Variants in STON2 observed in about 807,000 individuals in gnomAD.
The protein encoded by STON2 is stonin-2.
In STON2, 29 loss-of-function variants were observed where a neutral mutation model predicts 65.7. That is an observed-to-expected ratio of 0.44 (90% CI 0.33 to 0.60). STON2 has a LOEUF of 0.60. STON2 is among the 20% of genes least tolerant of loss of function. The pLI is 0.03. For missense variants in STON2, 1,054 were observed against 1,118.1 expected, an observed-to-expected ratio of 0.94 and a Z score of 0.82; for synonymous variants, 404 against 414.2, an observed-to-expected ratio of 0.98 and a Z score of 0.30.
chr14:81,405,955 G>T (rs1900838059), intron 2 of STON2, among the ~76,000 whole-genome samples: 1 of 152,214 alleles, frequency 6.6e-6, no homozygotes, highest in Non-Finnish European at 1.5e-5. Flanking sequence ...AAAGCAGGCA[G>T]AAGAAAGTGG....
chr14:81,395,231 A>C (rs7160190), intron 3 of STON2: 88,089 of 152,122 alleles, frequency 0.58, 27,730 homozygotes, highest in African/African-American at 0.82. Flanking sequence ...TCCACACTTT[A>C]ACACACATTC....
At chr14:81,352,814 A>G (rs558130573) in intron 4 of STON2, among the ~76,000 whole-genome samples, 2 of 151,534 alleles carry the variant, frequency 1.3e-5, no homozygotes, top group African/African-American at 4.9e-5. Context: ...TGGAGACCAC[A>G]AGTTTTTTAT....
intron 5 of STON2, among the ~76,000 whole-genome samples, chr14:81,293,318 A>C (rs1417170035): frequency 4.0e-5 from 6 of 151,718 alleles, no homozygotes; most frequent in Non-Finnish European, 8.8e-5. Flanking sequence ...GGACTGCAGG[A>C]GCGTGCCACC....
At chr14:81,341,409 C>T (rs1897602301) in intron 4 of STON2, among the ~76,000 whole-genome samples, 1 of 148,964 alleles carries the variant, frequency 6.7e-6, no homozygotes, top group Non-Finnish European at 1.5e-5. Flanking sequence ...ATAAGATCAG[C>T]TATGCTTCTT....
At chr14:81,426,120 C>G (rs1006087544) in intron 2 of STON2, among the ~76,000 whole-genome samples, 1 of 152,192 alleles carries the variant, frequency 6.6e-6, no homozygotes, top group Non-Finnish European at 1.5e-5. Context: ...GCATTTTTAA[C>G]CACCAGTTCT....
At chr14:81,324,858 G>T (rs1896951511) in intron 4 of STON2, among the ~76,000 whole-genome samples, 1 of 152,214 alleles carries the variant, frequency 6.6e-6, no homozygotes, top group Non-Finnish European at 1.5e-5. Flanking sequence ...AAGCATGGGT[G>T]TTCATAAACA....
chr14:81,301,438 A>G (rs1460199934), intron 5 of STON2, among the ~76,000 whole-genome samples: 1 of 149,574 alleles, frequency 6.7e-6, no homozygotes, highest in African/African-American at 2.6e-5. Flanking sequence ...ACCAACAACC[A>G]CAATACAGCA....
At chr14:81,293,494 C>G (rs1378313355) in intron 5 of STON2, among the ~76,000 whole-genome samples, 1 of 152,058 alleles carries the variant, frequency 6.6e-6, no homozygotes, top group Non-Finnish European at 1.5e-5. Context: ...CTTAAAGGTG[C>G]CAAGGTTCCT....
upstream of STON2, among the ~76,000 whole-genome samples, chr14:81,403,616 G>A (rs149864477): frequency 5.2e-4 from 79 of 152,244 alleles, 2 homozygotes; most frequent in South Asian, 0.012. Context: ...ATGGTGACAA[G>A]TGCAGCATCC....
chr14:81,338,453 T>C (rs1291515327), intron 4 of STON2, among the ~76,000 whole-genome samples: 1 of 152,216 alleles, frequency 6.6e-6, no homozygotes, highest in East Asian at 1.9e-4. Context: ...TCTTGCTCTG[T>C]GTGTCTCTTC....
intron 4 of STON2, among the ~76,000 whole-genome samples, chr14:81,347,902 C>CAAAAATAAAAAAAAAA (rs1897877503): frequency 1.9e-5 from 1 of 51,560 alleles, no homozygotes; most frequent in Non-Finnish European, 3.5e-5. Context: ...TGTCTCTTAC[C>CAAAAATAAAAAAAAAA]AAAAAAAAAA....
At chr14:81,322,475 T>C (rs1033077783) in intron 5 of STON2, among the ~76,000 whole-genome samples, 1 of 152,180 alleles carries the variant, frequency 6.6e-6, no homozygotes, top group Non-Finnish European at 1.5e-5. Flanking sequence ...TCTTGGATTG[T>C]CTTCTAATGA....
intron 6 of STON2, 105 bp downstream of exon 6, chr14:81,276,795 TC>T: frequency 7.4e-7 from 1 of 1,349,928 alleles, no homozygotes; most frequent in African/African-American, 1.5e-5. Context: ...CCATCACCAC[TC>T]CCATCACACA....
chr14:81,303,206 C>A (rs1014296007), intron 5 of STON2, among the ~76,000 whole-genome samples: 1 of 152,056 alleles, frequency 6.6e-6, no homozygotes, highest in Non-Finnish European at 1.5e-5. Flanking sequence ...AGAAACATGT[C>A]TACCTTGTTA....
chr14:81,382,112 A>G (rs139921589), intron 3 of STON2, among the ~76,000 whole-genome samples: 4,051 of 152,082 alleles, frequency 0.027, 193 homozygotes, highest in African/African-American at 0.092. Context: ...CCAGCTACTC[A>G]GAAGGCTGAG....
At chr14:81,371,509 C>T (rs1307253536) in intron 3 of STON2, among the ~76,000 whole-genome samples, 1 of 151,882 alleles carries the variant, frequency 6.6e-6, no homozygotes, top group Non-Finnish European at 1.5e-5. Flanking sequence ...TCCTGGCTAA[C>T]ACGGTGAAAC....
At chr14:81,327,255 G>A (rs1463341368) in intron 4 of STON2, among the ~76,000 whole-genome samples, 1 of 151,972 alleles carries the variant, frequency 6.6e-6, no homozygotes, top group Non-Finnish European at 1.5e-5. Context: ...TTTATACTTT[G>A]TTCAAGTCAA....
chr14:81,319,991 A>G (rs189138218), intron 5 of STON2, among the ~76,000 whole-genome samples: 252 of 152,338 alleles, frequency 1.7e-3, no homozygotes, highest in Non-Finnish European at 3.1e-3. Context: ...GCTTGAAACA[A>G]TAAGCATTTA....
rs118101841 is a variant in STON2, at chr14:81,399,069, G to T, written c.-198-489C>A. The stretch of plus-strand genomic sequence containing the variant: ...TCTCCAGATGGTATCTCCAAGCATG[G>T]TTTATCAATCAAGAAAAATAGAAAT... On this transcript the variant is annotated intron_variant, in intron 1 of 7. Transcript: ENST00000614646. 4.1e-4 allele frequency among the ~76,000 whole-genome samples: 63 copies of T among 152,300 alleles called. No individual in the cohort carries two copies. The East Asian group carries it at 0.012, about 28-fold the overall frequency.
Sources: gnomAD v4.1 joint callset for allele counts (sites outside exome capture counted in the v4.1 genomes callset) on GRCh38, gnomAD v4.1.1 for gene constraint, MANE v1.5 for transcripts, NCBI Gene and HGNC (gene_info 2026-07-23, HGNC 2026-07-21) for gene names.